SETBP1: variants seen among roughly 807,000 people sequenced by gnomAD.
The protein encoded by SETBP1 is SET binding protein 1.
A neutral mutation model predicts 101.0 loss-of-function variants in SETBP1; 9 were observed. That is an observed-to-expected ratio of 0.09 (90% confidence interval 0.05 to 0.16). The LOEUF (loss-of-function observed/expected upper bound fraction) is 0.16, where lower values mean the gene tolerates loss of function less well. Ranked by LOEUF, SETBP1 falls within the 10% of genes least tolerant of loss-of-function variation. The probability of loss-of-function intolerance (pLI) is 1.00; values close to 1 mark genes in which losing one functional copy is unlikely to be tolerated. For missense variants in SETBP1, 1,858 were observed against 2,033.8 expected (o/e 0.91, Z 1.66); for synonymous variants, 818 against 788.5 (o/e 1.04, Z -0.63).
intron 3 of SETBP1, among the ~76,000 whole-genome samples, chr18:44,939,823 G>A (rs2071046971): frequency 6.6e-6 from 1 of 152,226 alleles, no homozygotes; most frequent in Non-Finnish European, 1.5e-5. Context: ...TGAAGACATT[G>A]ATATGTGTTC....
intron 2 of SETBP1, among the ~76,000 whole-genome samples, chr18:44,867,911 A>G (rs2069165395): frequency 6.6e-6 from 1 of 152,146 alleles, no homozygotes; most frequent in Non-Finnish European, 1.5e-5. Flanking sequence ...CTCTTTCTTG[A>G]CCCAAACAAA....
chr18:44,975,322 C>A (rs2071961885), intron 4 of SETBP1, among the ~76,000 whole-genome samples: 2 of 152,188 alleles, frequency 1.3e-5, no homozygotes, highest in Admixed American at 1.3e-4. Context: ...TCACTACTTA[C>A]ATAGAGATGG....
chr18:44,710,096 T>C (rs1258807816), intron 2 of SETBP1, among the ~76,000 whole-genome samples: 1 of 152,200 alleles, frequency 6.6e-6, no homozygotes, highest in Middle Eastern at 3.2e-3. Context: ...GCTACATTGC[T>C]AGTTGACCCG....
At chr18:44,945,428 C>G (rs1266708362) in intron 3 of SETBP1, among the ~76,000 whole-genome samples, 1 of 152,166 alleles carries the variant, frequency 6.6e-6, no homozygotes, top group Non-Finnish European at 1.5e-5. Flanking sequence ...ATACTGTAAG[C>G]ACAAATCTGC....
intron 4 of SETBP1, among the ~76,000 whole-genome samples, chr18:44,970,553 C>T (rs1321975548): frequency 6.6e-6 from 1 of 152,036 alleles, no homozygotes; most frequent in Non-Finnish European, 1.5e-5. Context: ...TACAAATGCA[C>T]AGGCCTTTTT....
intron 2 of SETBP1, among the ~76,000 whole-genome samples, chr18:44,819,802 C>T (rs753516223): frequency 2.7e-4 from 41 of 152,186 alleles, no homozygotes; most frequent in Non-Finnish European, 5.0e-4. Context: ...CTAACAATTT[C>T]CATTGAGAAT....
chr18:44,717,914 C>CTG (rs5824555), intron 2 of SETBP1, among the ~76,000 whole-genome samples: 24,979 of 150,482 alleles, frequency 0.17, 2,066 homozygotes, highest in African/African-American at 0.19. Flanking sequence ...ATATATGCAT[C>CTG]TGTGTGTGTG....
At chr18:45,061,558 A>G (rs939605387) in intron 5 of SETBP1, among the ~76,000 whole-genome samples, 2 of 152,216 alleles carry the variant, frequency 1.3e-5, no homozygotes, top group African/African-American at 4.8e-5. Flanking sequence ...AAGCTGTAAC[A>G]TTTTGACCTG....
rs193302566 is a variant in SETBP1 at position 44,966,759 on chromosome 18, G to A, written c.4000+13419G>A. ...AACGCAGCTTAGTAGAGCAAAGAAA[G>A]CCCAGGAGTTAAAGACTCAGATCTA... On this transcript the variant is annotated intron_variant, in intron 4 of 5. Coordinates refer to ENST00000649279, the MANE Select transcript of SETBP1 (RefSeq NM_015559.3). 1.5e-3 allele frequency among the ~76,000 whole-genome samples: 234 copies of A among 152,268 alleles called. 1 individual carries two copies. The highest frequency in any genetic ancestry group is 3.4e-3 in the Middle Eastern group (1 of 294).
intron 2 of SETBP1, among the ~76,000 whole-genome samples, chr18:44,820,083 C>A (rs751092884): frequency 1.3e-5 from 2 of 152,228 alleles, no homozygotes; most frequent in Non-Finnish European, 2.9e-5. Context: ...GGAGTGGCAG[C>A]GCTTGCTGGC....
intron 3 of SETBP1, among the ~76,000 whole-genome samples, chr18:44,941,762 GTT>G (rs569097081): frequency 6.9e-6 from 1 of 145,218 alleles, no homozygotes; most frequent in African/African-American, 2.5e-5. Context: ...ACTCCAGTGA[GTT>G]TTTTTTTTTG....
At chr18:45,008,010 G>C (rs1057248211) in intron 4 of SETBP1, among the ~76,000 whole-genome samples, 1 of 152,184 alleles carries the variant, frequency 6.6e-6, no homozygotes, top group African/African-American at 2.4e-5. Flanking sequence ...AGATACCAAA[G>C]CTGGCTTTAC....
At chr18:45,034,428 C>T (rs1349293617) in intron 4 of SETBP1, among the ~76,000 whole-genome samples, 2 of 152,010 alleles carry the variant, frequency 1.3e-5, no homozygotes, top group East Asian at 1.9e-4. Flanking sequence ...AATGCAAACA[C>T]GGTGTGCAGG....
chr18:44,924,576 C>G (rs1046268482), intron 3 of SETBP1, among the ~76,000 whole-genome samples: 1 of 152,028 alleles, frequency 6.6e-6, no homozygotes, highest in Non-Finnish European at 1.5e-5. Context: ...GCACTAGAAA[C>G]CAGGTTTGTT....
At chr18:44,744,113 C>T (rs1333394519) in intron 2 of SETBP1, among the ~76,000 whole-genome samples, 3 of 152,240 alleles carry the variant, frequency 2.0e-5, no homozygotes, top group Non-Finnish European at 4.4e-5. Flanking sequence ...GCTGGCGAAC[C>T]CCCACTCTCA....
chr18:45,020,918 C>G lies in SETBP1; in HGVS notation c.4001-17567C>G, dbSNP rs565081574. ...GGGTGTTTGTGTATTGAACTAATCTCAATGTTCAATACTCTTCTTTCTATA... is the reference window on the plus strand; with the variant it reads ...GGGTGTTTGTGTATTGAACTAATCTGAATGTTCAATACTCTTCTTTCTATA... On this transcript the variant is annotated intron_variant, in intron 4 of 5. Coordinates refer to ENST00000649279, the MANE Select transcript of SETBP1 (RefSeq NM_015559.3). 4.6e-5 allele frequency among the ~76,000 whole-genome samples: 7 copies of G among 152,292 alleles called. No homozygotes were observed. In the South Asian group the frequency reaches 1.5e-3, roughly 32 times the overall value.
At chr18:44,682,714 C>A (rs1035462022) in intron 1 of SETBP1, among the ~76,000 whole-genome samples, 9 of 152,116 alleles carry the variant, frequency 5.9e-5, no homozygotes, top group African/African-American at 2.2e-4. Flanking sequence ...TATTTGCAAA[C>A]GGCAGGGAAT....
At chr18:44,997,661 G>C (rs2072527465) in intron 4 of SETBP1, among the ~76,000 whole-genome samples, 1 of 152,026 alleles carries the variant, frequency 6.6e-6, no homozygotes, top group Non-Finnish European at 1.5e-5. Flanking sequence ...AGTCTTCCAG[G>C]CCTCATGTAA....
chr18:45,005,505 G>T (rs993454387), intron 4 of SETBP1, among the ~76,000 whole-genome samples: 1 of 152,162 alleles, frequency 6.6e-6, no homozygotes, highest in Non-Finnish European at 1.5e-5. Context: ...CAGGGAAAGA[G>T]CTGCAGACTC....
Sources: allele counts gnomAD v4.1 joint callset (sites outside exome capture counted in the v4.1 genomes callset), GRCh38; gene constraint gnomAD v4.1.1; transcripts MANE v1.5; gene names NCBI Gene and HGNC (gene_info 2026-07-23, HGNC 2026-07-21).